The following PKHD1 variants were observed in gnomAD, a reference collection of about 807,000 sequenced individuals.
PKHD1 encodes the protein PKHD1 ciliary IPT domain containing fibrocystin/polyductin.
A neutral mutation model predicts 412.0 loss-of-function variants in PKHD1; 291 were observed. The ratio of observed to expected loss-of-function variants is 0.71; its 90% CI spans 0.64 to 0.78. The LOEUF (loss-of-function observed/expected upper bound fraction) is 0.78, where lower values mean the gene tolerates loss of function less well. Among genes scored for constraint, PKHD1 ranks in the 30% least tolerant of loss-of-function variants. The probability of loss-of-function intolerance (pLI) is 0.00; values close to 1 mark genes in which losing one functional copy is unlikely to be tolerated. For synonymous variants in PKHD1, 1,777 were observed against 1,821.5 expected (o/e 0.98, Z 0.62); for missense variants, 4,825 against 4,950.7 (o/e 0.97, Z 0.76).
At position 51,977,762 on chromosome 6, in the gene PKHD1, C is replaced by T. The variant is rs115689254; in HGVS notation, c.5752-17736G>A. ...TGGAAAAGGCACTAGTATTTGATTC[C>T]CACCTGGAAAGTCTAAAGACAAGAG... On this transcript the variant is annotated intron_variant, in intron 35 of 66. Transcript: ENST00000371117. Among the ~76,000 whole-genome samples the T allele has an allele frequency of 3.6e-3, 546 of 152,270 alleles. 1 individual carries two copies. The highest frequency in any genetic ancestry group is 0.013 in the African/African-American group (525 of 41,544).
At position 51,746,955 on chromosome 6, in the gene PKHD1, A is replaced by T; in HGVS notation, c.9830-66T>A. On this transcript the variant is annotated intron_variant, in intron 58 of 66. Coordinates refer to ENST00000371117, the MANE Select transcript of PKHD1 (RefSeq NM_138694.4). The stretch of plus-strand genomic sequence containing the variant: ...AAACCACCAGCCACAAATATCGAAT[A>T]TACAACTAAATATTGTTATAATAAT... 5.4e-6 allele frequency: 5 copies of T among 922,826 alleles called. No homozygotes were observed. In the South Asian group the frequency reaches 6.0e-5, roughly 11 times the overall value. The allele number at this position is 922,826 out of a possible 1,614,324, so 57.2% of individuals were successfully genotyped here.
At chr6:51,788,143 A>G (rs1052883125) in intron 53 of PKHD1, among the ~76,000 whole-genome samples, 1 of 152,134 alleles carries the variant, frequency 6.6e-6, no homozygotes, top group Non-Finnish European at 1.5e-5. Flanking sequence ...GCCCAATACA[A>G]CTGTACAATG....
chr6:51,626,853 T>C (rs1767298425), intron 66 of PKHD1, 144 bp downstream of exon 66: 1 of 797,046 alleles, frequency 1.3e-6, no homozygotes, highest in African/African-American at 1.7e-5. Context: ...TCTGCTGGGG[T>C]ATAATTTCTT....
At chr6:52,071,898 G>T (rs1284873551) in intron 8 of PKHD1, among the ~76,000 whole-genome samples, 1 of 152,146 alleles carries the variant, frequency 6.6e-6, no homozygotes, top group Non-Finnish European at 1.5e-5. Flanking sequence ...GTGTTTTCAA[G>T]GAAGGTTTTG....
At chr6:51,764,741 C>T (rs1473240778) in intron 55 of PKHD1, among the ~76,000 whole-genome samples, 1 of 152,072 alleles carries the variant, frequency 6.6e-6, no homozygotes, top group Non-Finnish European at 1.5e-5. Context: ...TAACCAACTC[C>T]TTGGAACCCT....
chr6:52,085,816 G>A (rs1026821210), intron 1 of PKHD1, among the ~76,000 whole-genome samples: 1 of 151,838 alleles, frequency 6.6e-6, no homozygotes, highest in Non-Finnish European at 1.5e-5. Context: ...CTAAATCTGG[G>A]TTTACCTAAT....
In PKHD1 at chr6:51,885,877, C is replaced by T. The variant is rs934488030; in HGVS notation, c.7205G>A (p.Gly2402Asp). Residue 2402 changes from glycine (G) to aspartate (D), a missense_variant, in exon 45 of 67, where the codon GGT becomes GAT. Coordinates refer to ENST00000371117, the MANE Select transcript of PKHD1 (RefSeq NM_138694.4). ...AACAAAAAAGCTTACCTGGGCACCA[C>T]CTGCACTTTCCCAAACTGTGAAGCT... ...FQSFTVWESA[G>D]GAQIFRSSNL... is the part of the protein sequence containing the mutation. The T allele has an allele frequency of 1.9e-6, 3 of 1,607,308 alleles. No homozygotes were observed. The highest frequency in any genetic ancestry group is 2.2e-5 in the East Asian group (1 of 44,858).
At chr6:51,757,257 G>A (rs1010671961) in intron 55 of PKHD1, among the ~76,000 whole-genome samples, 3 of 152,150 alleles carry the variant, frequency 2.0e-5, no homozygotes, top group Non-Finnish European at 4.4e-5. Context: ...TCATGTGAAA[G>A]TGAGATTAAA....
intron 60 of PKHD1, among the ~76,000 whole-genome samples, chr6:51,714,422 CCAATGAACA>C (rs1281677977): frequency 6.6e-6 from 1 of 152,062 alleles, no homozygotes; most frequent in Non-Finnish European, 1.5e-5. Flanking sequence ...CTTCTACCTT[CCAATGAACA>C]CTCACCTTTC....
chr6:52,021,649 C>T (rs762076669), intron 33 of PKHD1, among the ~76,000 whole-genome samples: 20 of 152,102 alleles, frequency 1.3e-4, no homozygotes, highest in Non-Finnish European at 2.1e-4. Flanking sequence ...CCATTGTGGA[C>T]TCTATCTCTC....
rs1392851501 is a variant in PKHD1, at chr6:51,632,746, T to C, written c.11507-23A>G. On this transcript the variant is annotated intron_variant, in intron 64 of 66. Transcript: ENST00000371117. ...CTCCTGTGGCGGGGAAAAGAAGATG[T>C]TTCAATGATATGTTAATAAGATGCT... 5.6e-6 allele frequency: 9 copies of C among 1,596,796 alleles called. No homozygotes were observed. In the African/African-American group the frequency reaches 9.4e-5, roughly 17 times the overall value.
intron 11 of PKHD1, among the ~76,000 whole-genome samples, chr6:52,066,951 G>GA (rs1440343178): frequency 6.6e-6 from 1 of 152,078 alleles, no homozygotes; most frequent in Admixed American, 6.6e-5. Context: ...ACAGTAATAT[G>GA]ACACATAGTC....
At chr6:52,022,730 A>T in intron 33 of PKHD1, 71 bp downstream of exon 33, 1 of 1,520,918 alleles carries the variant, frequency 6.6e-7, no homozygotes, top group Non-Finnish European at 9.1e-7. Context: ...AATCACAAAA[A>T]TAGAATTAAC....
rs144057291 is a variant in PKHD1 at position 51,957,256 on chromosome 6, G to C, written c.5908+2614C>G. Among the ~76,000 whole-genome samples, 137 of 152,148 alleles carry C rather than the reference G, an allele frequency of 9.0e-4. 1 individual carries two copies. The highest frequency in any genetic ancestry group is 3.1e-3 in the African/African-American group (130 of 41,544). ...ATTACATTTATATACCAGCAAGTAG[G>C]AAAGAGAAAGAAGGAAGGGAAAATA... is the stretch of plus-strand genomic sequence containing the variant. On this transcript the variant is annotated intron_variant, in intron 36 of 66. Coordinates refer to ENST00000371117, the MANE Select transcript of PKHD1 (RefSeq NM_138694.4).
intron 60 of PKHD1, among the ~76,000 whole-genome samples, chr6:51,694,548 C>CGT (rs772571533): frequency 2.7e-5 from 1 of 37,690 alleles, no homozygotes; most frequent in Non-Finnish European, 4.4e-5. Flanking sequence ...CACAACCAGC[C>CGT]TTTTTTTTTT....
rs1412514436 is a variant in PKHD1, at chr6:51,618,492, G to C, written c.*589C>G. ...AATTTGATACGCTCACACTACTGTA[G>C]GTTCTCAATAATGATTGAATTTAAA... On this transcript the variant is annotated 3_prime_UTR_variant, in exon 67 of 67. Transcript: ENST00000371117. 1.2e-5 allele frequency: 2 copies of C among 165,186 alleles called. No homozygotes were observed. The highest frequency in any genetic ancestry group is 4.8e-5 in the African/African-American group (2 of 41,452). The allele number at this position is 165,186 out of a possible 1,614,324, so 10.2% of individuals were successfully genotyped here.
intron 60 of PKHD1, among the ~76,000 whole-genome samples, chr6:51,725,525 A>C (rs1241130105): frequency 6.6e-6 from 1 of 152,202 alleles, no homozygotes; most frequent in African/African-American, 2.4e-5. Flanking sequence ...GAAGGAAAGG[A>C]AACAGAAGTA....
At chr6:51,746,197 C>T (rs934450166) in intron 59 of PKHD1, among the ~76,000 whole-genome samples, 4 of 152,182 alleles carry the variant, frequency 2.6e-5, no homozygotes, top group Admixed American at 6.5e-5. Flanking sequence ...CCAATATCTG[C>T]TAGACCTCAT....
rs1348385688 is a variant in PKHD1, at chr6:52,042,803, A to G, written c.3097+56T>C. Reference sequence around the variant, plus strand: ...TACACAGAAGGACTAGATTCCTATCAGCAAGAACACTAGCTTCAGAGGGTC... The same window carrying G: ...TACACAGAAGGACTAGATTCCTATCGGCAAGAACACTAGCTTCAGAGGGTC... On this transcript the variant is annotated intron_variant, in intron 27 of 66. Transcript: ENST00000371117. 6 of 1,510,824 alleles carry G rather than the reference A, an allele frequency of 4.0e-6. No individual in the cohort carries two copies. In the Admixed American group the frequency reaches 1.0e-4, roughly 25 times the overall value. 93.6% of individuals were successfully genotyped at this position (1,510,824 alleles called of 1,614,324 possible). A position where few individuals can be genotyped will look rare whatever the true frequency, so the allele number is the denominator to read the frequency against.
Sources: allele counts gnomAD v4.1 joint callset (sites outside exome capture counted in the v4.1 genomes callset), GRCh38; gene constraint gnomAD v4.1.1; transcripts MANE v1.5; gene names NCBI Gene and HGNC (gene_info 2026-07-23, HGNC 2026-07-21).